The following SLC43A2 variants were observed in gnomAD, a reference collection of about 807,000 sequenced individuals.
SLC43A2 encodes the protein large neutral amino acids transporter small subunit 4.
A neutral mutation model predicts 63.2 loss-of-function variants in SLC43A2; 38 were observed. The ratio of observed to expected loss-of-function variants is 0.60; its 90% CI spans 0.46 to 0.79. The LOEUF is 0.79. SLC43A2 is among the 30% of genes least tolerant of loss of function. The pLI is 0.00. For synonymous variants in SLC43A2, 322 were observed against 331.0 expected, an observed-to-expected ratio of 0.97 and a Z score of 0.30; for missense variants, 644 against 756.2, an observed-to-expected ratio of 0.85 and a Z score of 1.74.
chr17:1,569,412 C>G lies in SLC43A2; in HGVS notation c.*6192G>C, dbSNP rs1199544862. The G allele has an allele frequency of 6.6e-6, 1 of 152,222 alleles. No homozygotes were observed. The highest frequency in any genetic ancestry group is 6.5e-5 in the Admixed American group (1 of 15,286). 9.4% of individuals were successfully genotyped at this position (152,222 alleles called of 1,614,324 possible). A position where few individuals can be genotyped will look rare whatever the true frequency, so the allele number is the denominator to read the frequency against. ...AGGGTACGGATTAACCCTTCAGGCT[C>G]CCTTCCGAGGGCCTGGGCGGGGTCT... On this transcript the variant is annotated 3_prime_UTR_variant, in exon 14 of 14. Transcript: ENST00000301335.
rs370439265 is a variant in SLC43A2, at chr17:1,595,428, C to T, written c.502-2149G>A. Among the ~76,000 whole-genome samples the T allele has an allele frequency of 4.5e-4, 69 of 152,104 alleles. 1 individual carries two copies. The highest frequency in any genetic ancestry group is 3.4e-3 in the Middle Eastern group (1 of 294). On this transcript the variant is annotated intron_variant, in intron 5 of 13. Coordinates refer to ENST00000301335, the MANE Select transcript of SLC43A2 (RefSeq NM_152346.3). Reference sequence around the variant, plus strand: ...CCAAGTCACTGGGACAACAGGCCCACGCCACCATGCCCCAGCTAGTGGTTT... The same window carrying T: ...CCAAGTCACTGGGACAACAGGCCCATGCCACCATGCCCCAGCTAGTGGTTT...
At chr17:1,600,252 G>A (rs1350072660) in intron 5 of SLC43A2, among the ~76,000 whole-genome samples, 7 of 139,044 alleles carry the variant, frequency 5.0e-5, no homozygotes, top group Non-Finnish European at 1.1e-4. Context: ...CCGGGTCCAA[G>A]CAATTCTCCT....
chr17:1,578,139 C>T lies in SLC43A2; in HGVS notation c.1424+111G>A. ...CTGTCCCCTGAAGCAGGAAGATGAG[C>T]CCTTCTGGGACAGGCTGACCCTGCC... is the stretch of plus-strand genomic sequence containing the variant. On this transcript the variant is annotated intron_variant, in intron 12 of 13. Coordinates refer to ENST00000301335, the MANE Select transcript of SLC43A2 (RefSeq NM_152346.3). This position sits in a 1 kb window ranked among gnomAD's most constrained non-coding sequence, Gnocchi z 6.5. 1 of 1,034,002 alleles carries T rather than the reference C, an allele frequency of 9.7e-7. No homozygotes were observed. Among genetic ancestry groups the T allele is most frequent in the Non-Finnish European group, 1.4e-6 (1 of 693,984 alleles). 64.1% of individuals were successfully genotyped at this position (1,034,002 alleles called of 1,614,324 possible).
At chr17:1,624,730 A>G (rs1312527902) in intron 2 of SLC43A2, among the ~76,000 whole-genome samples, 1 of 151,968 alleles carries the variant, frequency 6.6e-6, no homozygotes. Context: ...GTCTCTACAA[A>G]AAATACAAAA....
chr17:1,588,687 G>C (rs1904446340), intron 9 of SLC43A2, among the ~76,000 whole-genome samples: 2 of 95,818 alleles, frequency 2.1e-5, no homozygotes, highest in African/African-American at 4.1e-5. Flanking sequence ...GGCAGAGCAA[G>C]ACCCCAACTC....
intron 5 of SLC43A2, among the ~76,000 whole-genome samples, chr17:1,595,154 G>A (rs571121178): frequency 5.7e-4 from 87 of 152,028 alleles, no homozygotes; most frequent in Non-Finnish European, 1.0e-3. Flanking sequence ...GGTGGCAGGC[G>A]CCTATAATCC....
intron 5 of SLC43A2, chr17:1,604,598 T>C: frequency 1.2e-6 from 1 of 813,912 alleles, no homozygotes; most frequent in South Asian, 1.7e-5. Flanking sequence ...TGTGCAGAAC[T>C]CCTGGGCTCA....
intron 5 of SLC43A2, among the ~76,000 whole-genome samples, chr17:1,600,837 C>G (rs1030275253): frequency 6.6e-6 from 1 of 150,754 alleles, no homozygotes; most frequent in African/African-American, 2.5e-5. Flanking sequence ...GGATGACAGG[C>G]GTGAACCATT....
At chr17:1,596,842 G>C (rs1347139333) in intron 5 of SLC43A2, among the ~76,000 whole-genome samples, 5 of 152,178 alleles carry the variant, frequency 3.3e-5, no homozygotes, top group African/African-American at 1.2e-4. Flanking sequence ...CATATGGAAA[G>C]ATGCTCAACA....
In SLC43A2 at chr17:1,616,329, G is replaced by C; in HGVS notation, c.368+233C>G. On this transcript the variant is annotated intron_variant, in intron 3 of 13. Transcript: ENST00000301335. ...CATGTTCTTAGTGACAAGCAGCTCC[G>C]GTCCCTGGGCGGCCTGGAGCCTGGA... 4 of 550,552 alleles carry C rather than the reference G, an allele frequency of 7.3e-6. No individual in the cohort carries two copies. The Admixed American group carries it at 1.4e-4, about 19-fold the overall frequency. The allele number at this position is 550,552 out of a possible 1,614,324, so 34.1% of individuals were successfully genotyped here. A position where few individuals can be genotyped will look rare whatever the true frequency, so the allele number is the denominator to read the frequency against.
chr17:1,624,426 G>T (rs560595058), intron 2 of SLC43A2, among the ~76,000 whole-genome samples: 14 of 151,582 alleles, frequency 9.2e-5, no homozygotes, highest in African/African-American at 3.1e-4. Flanking sequence ...AATTTGACCG[G>T]GCGTGGTGGC....
intron 9 of SLC43A2, among the ~76,000 whole-genome samples, chr17:1,587,145 A>T (rs2076116704): frequency 6.6e-6 from 1 of 151,804 alleles, no homozygotes; most frequent in Admixed American, 6.6e-5. Flanking sequence ...CAGGGGAGGC[A>T]GAGCTGCAGC....
At chr17:1,615,167 G>C in intron 3 of SLC43A2, 133 bp from the exon 4 acceptor site, 2 of 1,017,186 alleles carry the variant, frequency 2.0e-6, no homozygotes, top group Non-Finnish European at 3.0e-6. Context: ...GAGTGCAGTG[G>C]CGCGATCTCG....
intron 11 of SLC43A2, among the ~76,000 whole-genome samples, chr17:1,580,767 G>A (rs889020266): frequency 6.8e-6 from 1 of 147,914 alleles, no homozygotes; most frequent in Non-Finnish European, 1.5e-5. Flanking sequence ...TCTCACTCCG[G>A]TTGCCCAGGC....
At chr17:1,601,609 G>C (rs770936406) in intron 5 of SLC43A2, among the ~76,000 whole-genome samples, 1 of 151,086 alleles carries the variant, frequency 6.6e-6, no homozygotes, top group African/African-American at 2.4e-5. Flanking sequence ...TACTGAGCCA[G>C]AGTCGTGCAC....
At chr17:1,600,532 A>AT (rs1041602016) in intron 5 of SLC43A2, among the ~76,000 whole-genome samples, 6 of 134,644 alleles carry the variant, frequency 4.5e-5, no homozygotes, top group South Asian at 2.3e-4. Flanking sequence ...CTCATAAGAG[A>AT]TTTTTTTTTC....
At chr17:1,628,552 G>T (rs1440841843) in intron 1 of SLC43A2, among the ~76,000 whole-genome samples, 1 of 152,110 alleles carries the variant, frequency 6.6e-6, no homozygotes, top group East Asian at 1.9e-4. Context: ...TCAAACCGGT[G>T]GCGCGAGCCA....
chr17:1,614,068 C>T (rs937338046), intron 4 of SLC43A2, among the ~76,000 whole-genome samples: 1 of 152,020 alleles, frequency 6.6e-6, no homozygotes, highest in African/African-American at 2.4e-5. Context: ...ACAGTGAAAC[C>T]CCATCTCTAA....
Position 1,590,790 on chromosome 17 carries a change from C to A in SLC43A2, c.1078+12G>T. The A allele has an allele frequency of 1.3e-6, 2 of 1,552,000 alleles. No homozygotes were observed. Among genetic ancestry groups the A allele is most frequent in the Non-Finnish European group, 1.7e-6 (2 of 1,147,786 alleles). On this transcript the variant is annotated intron_variant, in intron 9 of 13. Coordinates refer to ENST00000301335, the MANE Select transcript of SLC43A2 (RefSeq NM_152346.3). ...GGGAGTGACAGCGACCGAGGCTGCC[C>A]GGGGCACCTACCTGTCTTCTGGTCG... is the stretch of plus-strand genomic sequence containing the variant.
Sources: gnomAD v4.1 joint callset for allele counts (sites outside exome capture counted in the v4.1 genomes callset) on GRCh38, gnomAD v4.1.1 for gene constraint, Gnocchi (gnomAD v3.1) non-coding constraint, MANE v1.5 for transcripts, NCBI Gene and HGNC (gene_info 2026-07-23, HGNC 2026-07-21) for gene names.